Variants in LMO3 observed in about 807,000 individuals in gnomAD.
The protein encoded by LMO3 is LIM domain only protein 3.
A neutral mutation model predicts 15.8 loss-of-function variants in LMO3; 2 were observed. The observed-to-expected ratio is 0.13, with a 90% CI of 0.05 to 0.40. The LOEUF (loss-of-function observed/expected upper bound fraction) is 0.40. Ranked by LOEUF, LMO3 falls within the 10% of genes least tolerant of loss-of-function variation. The pLI, the probability that LMO3 is intolerant of heterozygous loss-of-function variation, is 0.99. For missense variants in LMO3, 86 were observed against 182.2 expected, an observed-to-expected ratio of 0.47 and a Z score of 3.04; for synonymous variants, 62 against 63.8, an observed-to-expected ratio of 0.97 and a Z score of 0.13.
At chr12:16,601,419 G>A (rs980980570) in intron 1 of LMO3, among the ~76,000 whole-genome samples, 1 of 152,102 alleles carries the variant, frequency 6.6e-6, no homozygotes, top group East Asian at 1.9e-4. Flanking sequence ...TACCCAAAAA[G>A]CTCACCAATC....
intron 3 of LMO3, 42 bp from the exon 4 acceptor site, chr12:16,551,369 C>T: frequency 8.8e-7 from 1 of 1,137,334 alleles, no homozygotes; most frequent in Non-Finnish European, 1.3e-6. Flanking sequence ...AAGACCATTT[C>T]ACTTGGATCT....
chr12:16,562,474 T>C (rs1044519098), intron 2 of LMO3, among the ~76,000 whole-genome samples: 2 of 152,228 alleles, frequency 1.3e-5, no homozygotes, highest in African/African-American at 2.4e-5. Flanking sequence ...GACGTAGTTT[T>C]CCCCCATTTC....
At chr12:16,569,043 T>C (rs771145794) in intron 2 of LMO3, among the ~76,000 whole-genome samples, 3 of 152,328 alleles carry the variant, frequency 2.0e-5, no homozygotes, top group South Asian at 2.1e-4. Flanking sequence ...CCACCTATTG[T>C]TCCAGTTTCA....
intron 2 of LMO3, among the ~76,000 whole-genome samples, chr12:16,563,197 T>TGGAGA (rs1479033013): frequency 4.6e-5 from 7 of 152,154 alleles, no homozygotes; most frequent in African/African-American, 1.4e-4. Context: ...AGACTGAGTG[T>TGGAGA]GGAGATGCGG....
chr12:16,557,955 G>A, intron 3 of LMO3, among the ~76,000 whole-genome samples: 1 of 151,924 alleles, frequency 6.6e-6, no homozygotes, highest in East Asian at 1.9e-4. Flanking sequence ...TGATAATACT[G>A]ATAATATTTA....
chr12:16,563,928 G>A (rs535856137), intron 2 of LMO3, among the ~76,000 whole-genome samples: 8 of 152,176 alleles, frequency 5.3e-5, no homozygotes, highest in African/African-American at 1.9e-4. Flanking sequence ...CAATTTATGG[G>A]CTAGATTTTT....
chr12:16,569,458 T>C (rs1259493456), intron 2 of LMO3, among the ~76,000 whole-genome samples: 1 of 152,186 alleles, frequency 6.6e-6, no homozygotes, highest in African/African-American at 2.4e-5. Context: ...CATTATACTT[T>C]CCCTTTCAAC....
chr12:16,590,118 TTTAAAC>T (rs1943444361), intron 2 of LMO3, among the ~76,000 whole-genome samples: 1 of 152,050 alleles, frequency 6.6e-6, no homozygotes, highest in African/African-American at 2.4e-5. Context: ...GTACCCAAAG[TTTAAAC>T]TTAAACATTT....
rs1229094490 is a variant in LMO3 at position 16,549,151 on chromosome 12, A to G, written c.*2071T>C. 1 of 152,200 alleles carries G rather than the reference A, an allele frequency of 6.6e-6. No homozygotes were observed. The highest frequency in any genetic ancestry group is 2.1e-4 in the South Asian group (1 of 4,838). 9.4% of individuals were successfully genotyped at this position (152,200 alleles called of 1,614,324 possible). Reference sequence around the variant, plus strand: ...TGGGGACCAGCAGGGCTGCATTAAGAAAACCACTTTTCACTGATCTCTCCC... The same window carrying G: ...TGGGGACCAGCAGGGCTGCATTAAGGAAACCACTTTTCACTGATCTCTCCC... On this transcript the variant is annotated 3_prime_UTR_variant, in exon 4 of 4. Coordinates refer to ENST00000537304, the MANE Select transcript of LMO3 (RefSeq NM_018640.5).
At chr12:16,592,929 C>G (rs10846379) in intron 2 of LMO3, among the ~76,000 whole-genome samples, 54,095 of 151,566 alleles carry the variant, frequency 0.36, 10,391 homozygotes, top group Non-Finnish European at 0.41. Context: ...TAACATTGTT[C>G]TAAAAGTTTT....
rs1295890743 is a variant in LMO3 at position 16,593,422 on chromosome 12, C to T, written c.206+7233G>A. Among the ~76,000 whole-genome samples the T allele has an allele frequency of 6.6e-6, 1 of 151,792 alleles. No homozygotes were observed. Among genetic ancestry groups the T allele is most frequent in the Admixed American group, 6.6e-5 (1 of 15,200 alleles). On this transcript the variant is annotated intron_variant, in intron 2 of 3. Transcript: ENST00000537304. This position sits in a 1 kb window ranked among gnomAD's most constrained non-coding sequence, Gnocchi z 4.2. The stretch of plus-strand genomic sequence containing the variant: ...ATTTGACTATTCCAAGATGATTATT[C>T]ATCTCAAGTGTGATTTCATTTTAAA...
intron 2 of LMO3, among the ~76,000 whole-genome samples, chr12:16,574,831 C>T (rs1346552086): frequency 6.6e-6 from 1 of 152,120 alleles, no homozygotes; most frequent in Non-Finnish European, 1.5e-5. Context: ...AGTGGGGAAA[C>T]AGAAGTATAG....
intron 2 of LMO3, among the ~76,000 whole-genome samples, chr12:16,563,908 G>A (rs538833081): frequency 6.6e-6 from 1 of 152,178 alleles, no homozygotes; most frequent in African/African-American, 2.4e-5. Context: ...CATGATACAT[G>A]GTAATTTGCC....
intron 2 of LMO3, chr12:16,567,335 G>A (rs1015037156): frequency 6.5e-6 from 1 of 153,568 alleles, no homozygotes; most frequent in East Asian, 1.9e-4. Flanking sequence ...CTACGTGCAA[G>A]GTACTTTGTG....
rs1943257946 is a variant in LMO3 at position 16,584,538 on chromosome 12, G to C, written c.206+16117C>G. ...AGAAATATACAGAGAATGAGGAAAG[G>C]AATGGAAACAAGAGACGTTTTAGAT... On this transcript the variant is annotated intron_variant, in intron 2 of 3. Transcript: ENST00000537304. The surrounding 1 kb of genome is among the most constrained non-coding windows in gnomAD (Gnocchi z 5.2). 6.6e-6 allele frequency among the ~76,000 whole-genome samples: 1 copy of C among 152,092 alleles called. No homozygotes were observed. The highest frequency in any genetic ancestry group is 2.4e-5 in the African/African-American group (1 of 41,404).
chr12:16,564,091 G>C (rs1270704966), intron 2 of LMO3, among the ~76,000 whole-genome samples: 1 of 152,132 alleles, frequency 6.6e-6, no homozygotes, highest in African/African-American at 2.4e-5. Flanking sequence ...AGAAATCCCA[G>C]AGATGTTTCT....
At chr12:16,565,317 G>A (rs1942562258) in intron 2 of LMO3, among the ~76,000 whole-genome samples, 1 of 152,118 alleles carries the variant, frequency 6.6e-6, no homozygotes, top group African/African-American at 2.4e-5. Flanking sequence ...AAGGACAATT[G>A]CTTTTTTGTC....
intron 3 of LMO3, among the ~76,000 whole-genome samples, chr12:16,552,399 T>C (rs551434748): frequency 4.6e-5 from 7 of 152,174 alleles, no homozygotes; most frequent in East Asian, 1.9e-4. Flanking sequence ...TCTTAGTGGA[T>C]AGATTAAATT....
Position 16,598,240 on chromosome 12 carries a change from T to A in LMO3, c.206+2415A>T, listed in dbSNP as rs1249061794. 1 of 152,130 alleles carries A rather than the reference T, an allele frequency of 6.6e-6. No homozygotes were observed. Among genetic ancestry groups the A allele is most frequent in the Non-Finnish European group, 1.5e-5 (1 of 67,978 alleles). The allele number at this position is 152,130 out of a possible 1,614,324, so 9.4% of individuals were successfully genotyped here. A position where few individuals can be genotyped will look rare whatever the true frequency, so the allele number is the denominator to read the frequency against. ...TAAATACCACATCTGCGGCATAATC[T>A]ATAACACGTAACACAGTGTTTTACA... On this transcript the variant is annotated intron_variant, in intron 2 of 3. Transcript: ENST00000537304. The surrounding 1 kb of genome is among the most constrained non-coding windows in gnomAD (Gnocchi z 4.3).
Sources: gnomAD v4.1 joint callset for allele counts (sites outside exome capture counted in the v4.1 genomes callset) on GRCh38, gnomAD v4.1.1 for gene constraint, Gnocchi (gnomAD v3.1) non-coding constraint, MANE v1.5 for transcripts, NCBI Gene and HGNC (gene_info 2026-07-23, HGNC 2026-07-21) for gene names.